ITGA9: variants seen among roughly 807,000 people sequenced by gnomAD.
ITGA9 encodes the protein integrin alpha-9.
A neutral mutation model predicts 127.8 loss-of-function variants in ITGA9; 56 were observed. That is an observed-to-expected ratio of 0.44 (90% confidence interval 0.35 to 0.55). The LOEUF (loss-of-function observed/expected upper bound fraction) is 0.55, where lower values mean the gene tolerates loss of function less well. Among genes scored for constraint, ITGA9 ranks in the 20% least tolerant of loss-of-function variants. The pLI, the probability that ITGA9 is intolerant of heterozygous loss-of-function variation, is 0.00. For synonymous variants in ITGA9, 508 were observed against 514.5 expected (o/e 0.99, Z 0.17); for missense variants, 1,196 against 1,347.1 (o/e 0.89, Z 1.76).
At chr3:37,761,511 C>CA (rs1334342621) in intron 23 of ITGA9, among the ~76,000 whole-genome samples, 1 of 152,002 alleles carries the variant, frequency 6.6e-6, no homozygotes, top group Non-Finnish European at 1.5e-5. Flanking sequence ...AGATTCAGAC[C>CA]AAAAAGTATG....
At chr3:37,472,324 A>G (rs1698441390) in intron 2 of ITGA9, among the ~76,000 whole-genome samples, 1 of 152,230 alleles carries the variant, frequency 6.6e-6, no homozygotes, top group Non-Finnish European at 1.5e-5. Context: ...GTATTTTGTT[A>G]TAATCATGAC....
At chr3:37,700,302 T>C (rs1169994559) in intron 18 of ITGA9, among the ~76,000 whole-genome samples, 1 of 151,764 alleles carries the variant, frequency 6.6e-6, no homozygotes, top group Non-Finnish European at 1.5e-5. Flanking sequence ...TATTTGTTTG[T>C]TGCTGGTTGT....
At chr3:37,689,798 A>C (rs1213564335) in intron 18 of ITGA9, among the ~76,000 whole-genome samples, 1 of 152,230 alleles carries the variant, frequency 6.6e-6, no homozygotes, top group Non-Finnish European at 1.5e-5. Flanking sequence ...TTTGGCACAA[A>C]GGACTTTGGC....
At chr3:37,755,917 C>T (rs1696647328) in intron 23 of ITGA9, among the ~76,000 whole-genome samples, 1 of 151,238 alleles carries the variant, frequency 6.6e-6, no homozygotes, top group African/African-American at 2.4e-5. Flanking sequence ...ACATCCAAAC[C>T]ACTAAAGAAG....
intron 15 of ITGA9, among the ~76,000 whole-genome samples, chr3:37,547,525 C>G (rs1321834567): frequency 6.6e-6 from 1 of 151,916 alleles, no homozygotes; most frequent in Non-Finnish European, 1.5e-5. Context: ...GTGTTGGATG[C>G]TGGTTTTCAG....
chr3:37,465,602 CT>C (rs1456624167), intron 1 of ITGA9, among the ~76,000 whole-genome samples: 1 of 152,236 alleles, frequency 6.6e-6, no homozygotes, highest in Non-Finnish European at 1.5e-5. Context: ...TGCACCCACA[CT>C]GCTTATTAAG....
Position 37,506,049 on chromosome 3 carries a change from G to A in ITGA9, c.792G>A (p.Val264=), listed in dbSNP as rs765525353. The A allele has an allele frequency of 1.2e-6, 2 of 1,610,274 alleles. No homozygotes were observed. The highest frequency in any genetic ancestry group is 3.4e-5 in the Admixed American group (2 of 59,580). ...TCTCTCACCCGTCCACCATTGATGT[G>A]GTAGGAGGTGCCCCACAGGACAAAG... is the stretch of plus-strand genomic sequence containing the variant. ...GHFSHPSTID[V]VGGAPQDKGI... Residue 264 remains valine, a synonymous_variant, in exon 7 of 28, where the codon GTG becomes GTA. Transcript: ENST00000264741.
intron 5 of ITGA9, among the ~76,000 whole-genome samples, chr3:37,502,671 C>T (rs1280354185): frequency 1.3e-5 from 2 of 152,074 alleles, no homozygotes; most frequent in African/African-American, 4.8e-5. Context: ...CTAGAACGTC[C>T]CTGAGAGGGT....
chr3:37,564,928 A>G (rs1472512516), intron 15 of ITGA9, among the ~76,000 whole-genome samples: 1 of 152,226 alleles, frequency 6.6e-6, no homozygotes, highest in Non-Finnish European at 1.5e-5. Flanking sequence ...TGGGATTAAA[A>G]GCAGAGGTGA....
At chr3:37,665,748 C>A (rs538235991) in intron 17 of ITGA9, among the ~76,000 whole-genome samples, 53 of 152,308 alleles carry the variant, frequency 3.5e-4, no homozygotes, top group Non-Finnish European at 5.7e-4. Context: ...AGCCACCGTG[C>A]CCAGCCTGAT....
Position 37,534,694 on chromosome 3 carries a change from T to C in ITGA9, c.1528+1226T>C, listed in dbSNP as rs180766284. 5.1e-3 allele frequency among the ~76,000 whole-genome samples: 773 copies of C among 152,342 alleles called. 5 individuals are homozygous for C. The highest frequency in any genetic ancestry group is 0.018 in the African/African-American group (734 of 41,570). On this transcript the variant is annotated intron_variant, in intron 14 of 27. Coordinates refer to ENST00000264741, the MANE Select transcript of ITGA9 (RefSeq NM_002207.3). ...CATTTTTTAAAAAGAGCTTAGAAATTTCAACATTGAATGAAACCATACCAT... is the reference window on the plus strand; with the variant it reads ...CATTTTTTAAAAAGAGCTTAGAAATCTCAACATTGAATGAAACCATACCAT...
At chr3:37,805,703 C>T (rs1251888974) in intron 27 of ITGA9, 2 of 152,118 alleles carry the variant, frequency 1.3e-5, no homozygotes, top group Admixed American at 6.5e-5. Flanking sequence ...GCTCTTGTCT[C>T]CCAGGCTGGA....
chr3:37,696,479 G>A (rs753039022), intron 18 of ITGA9, among the ~76,000 whole-genome samples: 4 of 152,168 alleles, frequency 2.6e-5, no homozygotes, highest in African/African-American at 9.7e-5. Flanking sequence ...TTGGATTTCT[G>A]TCCTTCAACA....
chr3:37,461,495 C>T (rs1447996871), intron 1 of ITGA9, among the ~76,000 whole-genome samples: 1 of 152,142 alleles, frequency 6.6e-6, no homozygotes, highest in Non-Finnish European at 1.5e-5. Context: ...GATAGATGCT[C>T]GTAGTTATTT....
chr3:37,522,237 G>A (rs746794373), intron 11 of ITGA9, among the ~76,000 whole-genome samples: 1 of 152,092 alleles, frequency 6.6e-6, no homozygotes, highest in African/African-American at 2.4e-5. Context: ...TCCCCTGGGG[G>A]ACCATGCAGA....
chr3:37,594,220 C>T (rs1559544600), intron 15 of ITGA9, among the ~76,000 whole-genome samples: 1 of 152,154 alleles, frequency 6.6e-6, no homozygotes, highest in Non-Finnish European at 1.5e-5. Flanking sequence ...GGGTCTGGCC[C>T]CATTCCTGCC....
chr3:37,802,411 G>T (rs1350237677), intron 26 of ITGA9, among the ~76,000 whole-genome samples: 5 of 152,176 alleles, frequency 3.3e-5, no homozygotes, highest in African/African-American at 1.2e-4. Flanking sequence ...TCTTGACAGA[G>T]GATTGAACTA....
intron 15 of ITGA9, among the ~76,000 whole-genome samples, chr3:37,611,869 C>G (rs368278735): frequency 6.6e-6 from 1 of 152,142 alleles, no homozygotes; most frequent in Non-Finnish European, 1.5e-5. Context: ...AGAGCCCACT[C>G]TCTGCGCTCT....
At chr3:37,613,323 A>G (rs1575167169) in intron 15 of ITGA9, among the ~76,000 whole-genome samples, 1 of 152,190 alleles carries the variant, frequency 6.6e-6, no homozygotes. Context: ...ATAGTATTCC[A>G]TGGTGTATAT....
Sources: gnomAD v4.1 joint callset for allele counts (sites outside exome capture counted in the v4.1 genomes callset) on GRCh38, gnomAD v4.1.1 for gene constraint, MANE v1.5 for transcripts, NCBI Gene and HGNC (gene_info 2026-07-23, HGNC 2026-07-21) for gene names.